The following PRIM2 variants were observed in gnomAD, a reference collection of about 807,000 sequenced individuals.
The protein encoded by PRIM2 is DNA primase subunit 2.
In PRIM2, 39 loss-of-function variants were observed where a neutral mutation model predicts 67.3. That is an observed-to-expected ratio of 0.58 (90% CI 0.45 to 0.76). PRIM2 has a LOEUF of 0.76. Ranked by LOEUF, PRIM2 falls within the 30% of genes least tolerant of loss-of-function variation. PRIM2 has a pLI of 0.00. For synonymous variants in PRIM2, 143 were observed against 198.7 expected (o/e 0.72, Z 2.36); for missense variants, 398 against 598.7 (o/e 0.66, Z 3.50).
At chr6:57,549,259 A>T (rs1359057198) in intron 10 of PRIM2, among the ~76,000 whole-genome samples, 1 of 152,192 alleles carries the variant, frequency 6.6e-6, no homozygotes, top group Non-Finnish European at 1.5e-5. Context: ...TTTTCTGTTT[A>T]ATTTAATCTC....
intron 11 of PRIM2, among the ~76,000 whole-genome samples, chr6:57,603,708 A>T (rs1776512077): frequency 2.0e-5 from 3 of 151,428 alleles, no homozygotes; most frequent in Admixed American, 2.0e-4. Flanking sequence ...TTGTTTTCTT[A>T]TTCTGTGAAA....
chr6:57,303,958 G>A, the PRIM2 span, among the ~76,000 whole-genome samples: 1 of 152,058 alleles, frequency 6.6e-6, no homozygotes, highest in South Asian at 2.1e-4. Flanking sequence ...ATAATTGTTG[G>A]GGGAAAAACA....
At chr6:57,323,699 G>A (rs1158644172) in intron 3 of PRIM2, among the ~76,000 whole-genome samples, 2 of 151,796 alleles carry the variant, frequency 1.3e-5, no homozygotes, top group Non-Finnish European at 2.9e-5. Context: ...CCTAGATGAC[G>A]GGCAGCAAAC....
At chr6:57,334,118 G>A (rs375096655) in intron 5 of PRIM2, among the ~76,000 whole-genome samples, 1 of 152,072 alleles carries the variant, frequency 6.6e-6, no homozygotes, top group Non-Finnish European at 1.5e-5. Flanking sequence ...ATTTCTATGA[G>A]ATCAACTTTT....
intron 7 of PRIM2, chr6:57,390,061 A>C (rs1770280575): frequency 6.5e-6 from 1 of 154,804 alleles, no homozygotes; most frequent in African/African-American, 2.4e-5. Flanking sequence ...ACTGTCAGGC[A>C]CCAGTTCATT....
chr6:57,332,992 A>T lies in PRIM2; in HGVS notation c.459+6947A>T, dbSNP rs1768106373. ...GTATTAAAATGGTATTTTCTAGTGT[A>T]CCATTTTAATTCCTTTGCTGTTTAT... On this transcript the variant is annotated intron_variant, in intron 5 of 13. Coordinates refer to ENST00000615550, the MANE Select transcript of PRIM2 (RefSeq NM_000947.5). Among the ~76,000 whole-genome samples the T allele has an allele frequency of 2.0e-5, 3 of 151,954 alleles. No individual in the cohort carries two copies. In the South Asian group the frequency reaches 6.2e-4, roughly 31 times the overall value.
the PRIM2 span, among the ~76,000 whole-genome samples, chr6:57,250,258 C>T: frequency 6.6e-6 from 1 of 152,134 alleles, no homozygotes; most frequent in African/African-American, 2.4e-5. Flanking sequence ...TTTTCTAGTG[C>T]TTCAGATTTG....
intron 13 of PRIM2, among the ~76,000 whole-genome samples, chr6:57,645,284 G>A (rs1447491253): frequency 6.8e-6 from 1 of 147,158 alleles, no homozygotes; most frequent in African/African-American, 2.5e-5. Context: ...GAATCACACA[G>A]GTCCCTAACC....
chr6:57,315,825 A>C (rs888397677), upstream of PRIM2, among the ~76,000 whole-genome samples: 4 of 151,974 alleles, frequency 2.6e-5, no homozygotes, highest in Non-Finnish European at 5.9e-5. Flanking sequence ...TTTTCTTTGT[A>C]ATTTATAATA....
chr6:57,321,636 G>C (rs1441811170), intron 3 of PRIM2, among the ~76,000 whole-genome samples: 2 of 152,160 alleles, frequency 1.3e-5, no homozygotes, highest in East Asian at 1.9e-4. Flanking sequence ...AGGAGGGCTA[G>C]AGTTTCAATA....
chr6:57,381,368 T>C (rs1769955076), intron 6 of PRIM2, among the ~76,000 whole-genome samples: 1 of 152,234 alleles, frequency 6.6e-6, no homozygotes, highest in African/African-American at 2.4e-5. Flanking sequence ...AGAAAAATTC[T>C]ATTGGAGAGT....
Position 57,593,306 on chromosome 6 carries a change from C to CT in PRIM2, c.1021-7775dup, listed in dbSNP as rs1184560097. ...GTTTTCTATTTACTTCTTCCTACCT[C>CT]TTTTTTTTTTTTGAGATGGGAGTTT... On this transcript the variant is annotated intron_variant, in intron 10 of 13. Coordinates refer to ENST00000615550, the MANE Select transcript of PRIM2 (RefSeq NM_000947.5). Among the ~76,000 whole-genome samples the CT allele has an allele frequency of 3.3e-3, 473 of 145,052 alleles. 2 individuals carry two copies. Among genetic ancestry groups the CT allele is most frequent in the Middle Eastern group, 7.0e-3 (2 of 284 alleles).
chr6:57,627,276 T>G (rs1776964047), intron 12 of PRIM2, among the ~76,000 whole-genome samples: 1 of 19,542 alleles, frequency 5.1e-5, no homozygotes, highest in Non-Finnish European at 7.9e-5. Flanking sequence ...TGAGACTCTG[T>G]CTCAAAAAAA....
chr6:57,333,125 T>C lies in PRIM2; in HGVS notation c.459+7080T>C, dbSNP rs1183593539. Among the ~76,000 whole-genome samples, 7 of 152,192 alleles carry C rather than the reference T, an allele frequency of 4.6e-5. No homozygotes were observed. The South Asian group carries it at 8.3e-4, about 18-fold the overall frequency. On this transcript the variant is annotated intron_variant, in intron 5 of 13. Coordinates refer to ENST00000615550, the MANE Select transcript of PRIM2 (RefSeq NM_000947.5). ...ATTAGCATTAAGTTAATTTCAATAG[T>C]GTACAAACTTTTGTTCCCATATGCT...
chr6:57,453,676 G>A (rs11758241), intron 7 of PRIM2, among the ~76,000 whole-genome samples: 1 of 152,176 alleles, frequency 6.6e-6, no homozygotes, highest in African/African-American at 2.4e-5. Context: ...TCAGCTTAAG[G>A]AGATTTTGGG....
the PRIM2 span, among the ~76,000 whole-genome samples, chr6:57,234,611 C>T: frequency 6.7e-6 from 1 of 149,072 alleles, no homozygotes; most frequent in Non-Finnish European, 1.5e-5. Flanking sequence ...GCAACCTCCG[C>T]CTCCCAGGTT....
At chr6:57,369,384 A>C (rs1321691781) in intron 5 of PRIM2, among the ~76,000 whole-genome samples, 1 of 152,262 alleles carries the variant, frequency 6.6e-6, no homozygotes, top group African/African-American at 2.4e-5. Flanking sequence ...TAACTTTGCC[A>C]AAACAGTTAA....
chr6:57,539,309 T>G (rs1395263285), intron 10 of PRIM2, among the ~76,000 whole-genome samples: 2 of 152,172 alleles, frequency 1.3e-5, no homozygotes, highest in Non-Finnish European at 2.9e-5. Context: ...TAAACACCAC[T>G]GCTTTTCACC....
chr6:57,225,926 T>A, the PRIM2 span, among the ~76,000 whole-genome samples: 10 of 151,986 alleles, frequency 6.6e-5, no homozygotes, highest in East Asian at 5.8e-4. Flanking sequence ...GGAAAAAAAA[T>A]TTTTTCTAGT....
Sources: allele counts gnomAD v4.1 joint callset (sites outside exome capture counted in the v4.1 genomes callset), GRCh38; gene constraint gnomAD v4.1.1; transcripts MANE v1.5; gene names NCBI Gene and HGNC (gene_info 2026-07-23, HGNC 2026-07-21).